Variants in ABTB3 observed in about 807,000 individuals in gnomAD.
ABTB3 encodes the protein ankyrin repeat and BTB domain containing 3.
chr12:107,596,122 A>G, the ABTB3 span, among the ~76,000 whole-genome samples: 4 of 152,374 alleles, frequency 2.6e-5, no homozygotes, highest in East Asian at 7.7e-4. Flanking sequence ...ACAGGTGACA[A>G]GAATGAATTA....
chr12:107,377,522 G>A, the ABTB3 span, among the ~76,000 whole-genome samples: 1 of 151,864 alleles, frequency 6.6e-6, no homozygotes, highest in African/African-American at 2.4e-5. Flanking sequence ...TTGCCTCAGG[G>A]ACATCTCCCC....
At chr12:107,648,415 A>ACACACACACACAC in the ABTB3 span, among the ~76,000 whole-genome samples, 1 of 76,588 alleles carries the variant, frequency 1.3e-5, no homozygotes, top group Non-Finnish European at 2.9e-5. Flanking sequence ...CACACACACA[A>ACACACACACACAC]AGACAATAGG....
At chr12:107,347,954 G>A in the ABTB3 span, among the ~76,000 whole-genome samples, 30 of 152,180 alleles carry the variant, frequency 2.0e-4, no homozygotes, top group Non-Finnish European at 7.4e-5. Context: ...AGAGATGGAG[G>A]AACAGGCTTG....
the ABTB3 span, among the ~76,000 whole-genome samples, chr12:107,322,854 T>C: frequency 6.6e-6 from 1 of 152,200 alleles, no homozygotes; most frequent in Admixed American, 6.5e-5. Context: ...TTCCCTGCCT[T>C]CAGGCATCCC....
the ABTB3 span, chr12:107,610,056 T>C: frequency 1.3e-5 from 14 of 1,050,972 alleles, no homozygotes; most frequent in Admixed American, 2.2e-4. Context: ...GAGGCCATCA[T>C]TTTAATTGGA....
At chr12:107,374,576 T>C in the ABTB3 span, among the ~76,000 whole-genome samples, 5 of 152,218 alleles carry the variant, frequency 3.3e-5, no homozygotes, top group Admixed American at 2.6e-4. Context: ...GGGACCAGGA[T>C]TCTTGGCTGT....
chr12:107,606,943 T>TTA, the ABTB3 span, among the ~76,000 whole-genome samples: 7 of 152,190 alleles, frequency 4.6e-5, no homozygotes, highest in Non-Finnish European at 8.8e-5. Context: ...CCCGCCTCCC[T>TTA]CTGTCATGTT....
the ABTB3 span, among the ~76,000 whole-genome samples, chr12:107,643,232 C>A: frequency 6.6e-6 from 1 of 151,760 alleles, no homozygotes; most frequent in Non-Finnish European, 1.5e-5. Context: ...ATGGCAAAAC[C>A]CTGTCTATTA....
At chr12:107,576,505 A>G in the ABTB3 span, among the ~76,000 whole-genome samples, 1 of 152,076 alleles carries the variant, frequency 6.6e-6, no homozygotes, top group Non-Finnish European at 1.5e-5. Flanking sequence ...CTCTTCTTCT[A>G]AGGACATCAG....
chr12:107,384,339 T>C, the ABTB3 span, among the ~76,000 whole-genome samples: 2,540 of 152,266 alleles, frequency 0.017, 63 homozygotes, highest in African/African-American at 0.053. Context: ...CGTTAACCAG[T>C]ATGTGACCAT....
the ABTB3 span, among the ~76,000 whole-genome samples, chr12:107,441,692 C>A: frequency 6.7e-6 from 1 of 149,714 alleles, no homozygotes; most frequent in South Asian, 2.1e-4. Flanking sequence ...AATCCTAGCA[C>A]TTTGGGATAC....
the ABTB3 span, among the ~76,000 whole-genome samples, chr12:107,336,153 T>A: frequency 6.6e-6 from 1 of 152,320 alleles, no homozygotes; most frequent in East Asian, 1.9e-4. Flanking sequence ...AGCCAGACAC[T>A]TCCCAACCTT....
At chr12:107,478,203 T>G in the ABTB3 span, among the ~76,000 whole-genome samples, 2 of 152,240 alleles carry the variant, frequency 1.3e-5, no homozygotes, top group Non-Finnish European at 2.9e-5. Context: ...ACAGGGATTC[T>G]TGTGTCAGGG....
At chr12:107,440,092 C>T in the ABTB3 span, among the ~76,000 whole-genome samples, 874 of 152,314 alleles carry the variant, frequency 5.7e-3, 12 homozygotes, top group African/African-American at 0.02. Context: ...CTCCCCCCGC[C>T]GCTCCTTACA....
chr12:107,649,502 C>G, the ABTB3 span: 1 of 524,582 alleles, frequency 1.9e-6, no homozygotes. Context: ...AGTGCACTTG[C>G]TTGCCTGACT....
the ABTB3 span, among the ~76,000 whole-genome samples, chr12:107,572,014 A>G: frequency 6.6e-6 from 1 of 152,196 alleles, no homozygotes; most frequent in African/African-American, 2.4e-5. Context: ...CTCCAAAATG[A>G]TCAAGTCCTA....
chr12:107,578,655 C>A, the ABTB3 span, among the ~76,000 whole-genome samples: 1 of 152,062 alleles, frequency 6.6e-6, no homozygotes, highest in South Asian at 2.1e-4. Flanking sequence ...AATGGAGACA[C>A]TGTGACAAAA....
At chr12:107,567,871 T>C in the ABTB3 span, among the ~76,000 whole-genome samples, 10 of 152,290 alleles carry the variant, frequency 6.6e-5, no homozygotes, top group Admixed American at 5.9e-4. Flanking sequence ...AAAAACTATC[T>C]TCCATGAAAC....
chr12:107,369,774 G>T, the ABTB3 span, among the ~76,000 whole-genome samples: 1 of 102,340 alleles, frequency 9.8e-6, no homozygotes, highest in African/African-American at 3.8e-5. Flanking sequence ...GCACCTTATT[G>T]TTCAAGAAAT....
Sources: allele counts gnomAD v4.1 joint callset (sites outside exome capture counted in the v4.1 genomes callset), GRCh38; gene constraint gnomAD v4.1.1; transcripts MANE v1.5; gene names NCBI Gene and HGNC (gene_info 2026-07-23, HGNC 2026-07-21).